SLC14A2: variants seen among roughly 807,000 people sequenced by gnomAD.
SLC14A2 encodes urea transporter 2.
In SLC14A2, 91 loss-of-function variants were observed where a neutral mutation model predicts 104.6. The ratio of observed to expected loss-of-function variants is 0.87; its 90% CI spans 0.73 to 1.04. SLC14A2 has a LOEUF of 1.04. Among genes scored for constraint, SLC14A2 ranks in the 50% least tolerant of loss-of-function variants. SLC14A2 has a pLI of 0.00. For missense variants in SLC14A2, 1,189 were observed against 1,156.0 expected, an observed-to-expected ratio of 1.03 and a Z score of -0.41; for synonymous variants, 476 against 466.4, an observed-to-expected ratio of 1.02 and a Z score of -0.27.
At chr18:45,259,585 TAA>T (rs1278480757) in intron 1 of SLC14A2, among the ~76,000 whole-genome samples, 2 of 152,114 alleles carry the variant, frequency 1.3e-5, no homozygotes, top group African/African-American at 2.4e-5. Context: ...AGAGTAAAGA[TAA>T]GAGTGATTCA....
At chr18:45,296,097 T>C (rs2084915707) in intron 1 of SLC14A2, among the ~76,000 whole-genome samples, 1 of 152,180 alleles carries the variant, frequency 6.6e-6, no homozygotes, top group African/African-American at 2.4e-5. Flanking sequence ...CACCTTCTAT[T>C]TGCATTAAAC....
intron 2 of SLC14A2, among the ~76,000 whole-genome samples, chr18:45,530,112 A>AT (rs1448917840): frequency 6.6e-6 from 1 of 152,202 alleles, no homozygotes; most frequent in African/African-American, 2.4e-5. Context: ...AAACACAGCC[A>AT]TTCAAACAAC....
chr18:45,208,145 C>T (rs1257879788), upstream of SLC14A2, among the ~76,000 whole-genome samples: 1 of 152,178 alleles, frequency 6.6e-6, no homozygotes, highest in Non-Finnish European at 1.5e-5. Flanking sequence ...CAGATATGCA[C>T]TTCTCACAAG....
In SLC14A2 at chr18:45,437,363, T is replaced by C. The variant is rs200226670; in HGVS notation, c.-124-45870T>C. Among the ~76,000 whole-genome samples, 737 of 146,760 alleles carry C rather than the reference T, an allele frequency of 5.0e-3. 13 individuals carry two copies. Among genetic ancestry groups the C allele is most frequent in the Admixed American group, 0.038 (550 of 14,514 alleles). On this transcript the variant is annotated intron_variant, in intron 1 of 20. Transcript: ENST00000586448. ...GTGGAAACCAGCCTCATAGAGAGAG[T>C]CATGCACCCAGGACCCCACTGCCAG...
intron 1 of SLC14A2, among the ~76,000 whole-genome samples, chr18:45,251,909 A>G (rs993019005): frequency 5.3e-5 from 8 of 152,208 alleles, no homozygotes; most frequent in African/African-American, 1.9e-4. Context: ...CCTCCAGTTA[A>G]TGATGATGAC....
intron 2 of SLC14A2, among the ~76,000 whole-genome samples, chr18:45,501,460 T>TA (rs1445474145): frequency 2.0e-5 from 3 of 152,226 alleles, no homozygotes. Context: ...TGTAAGTTGC[T>TA]ATGTAGTTCC....
chr18:45,479,695 G>T (rs1422385042), intron 1 of SLC14A2, among the ~76,000 whole-genome samples: 2 of 152,026 alleles, frequency 1.3e-5, no homozygotes, highest in African/African-American at 2.4e-5. Flanking sequence ...GTTTCTCTTT[G>T]TCTTACTTCT....
At chr18:45,659,765 C>A (rs923377904) in intron 10 of SLC14A2, among the ~76,000 whole-genome samples, 1 of 152,146 alleles carries the variant, frequency 6.6e-6, no homozygotes, top group African/African-American at 2.4e-5. Context: ...TACTAAGATA[C>A]ATTATTTTAC....
chr18:45,490,228 GA>G (rs1286518610), intron 2 of SLC14A2, among the ~76,000 whole-genome samples: 3 of 152,112 alleles, frequency 2.0e-5, no homozygotes, highest in African/African-American at 4.8e-5. Context: ...CAAAGCACAG[GA>G]AAAAAATTGT....
intron 1 of SLC14A2, among the ~76,000 whole-genome samples, chr18:45,429,999 T>C (rs1415773034): frequency 1.3e-5 from 2 of 152,226 alleles, no homozygotes; most frequent in Non-Finnish European, 2.9e-5. Flanking sequence ...CGCTGTCTCT[T>C]GATCCTCATT....
upstream of SLC14A2, among the ~76,000 whole-genome samples, chr18:45,613,061 G>C (rs541146014): frequency 6.6e-6 from 1 of 152,160 alleles, no homozygotes; most frequent in African/African-American, 2.4e-5. Context: ...TTTTGAGACA[G>C]TCTCACTCTG....
rs141100898 is a variant in SLC14A2, at chr18:45,502,239, C to G, written c.-35+18917C>G. Among the ~76,000 whole-genome samples the G allele has an allele frequency of 2.6e-3, 402 of 152,286 alleles. 1 individual carries two copies. The highest frequency in any genetic ancestry group is 9.2e-3 in the African/African-American group (383 of 41,552). On this transcript the variant is annotated intron_variant, in intron 2 of 20. Transcript: ENST00000586448. ...TTAAACTCACTAGTTGTTTCCAATG[C>G]AGTTGATTCTTGGGGGGAAATCTTT...
At chr18:45,566,162 CT>C (rs1207407659) in intron 2 of SLC14A2, among the ~76,000 whole-genome samples, 16 of 152,240 alleles carry the variant, frequency 1.1e-4, no homozygotes, top group African/African-American at 3.9e-4. Context: ...TCAGATTTCC[CT>C]CCCTGGGCTA....
chr18:45,174,807 G>A, the SLC14A2 span, among the ~76,000 whole-genome samples: 1 of 152,138 alleles, frequency 6.6e-6, no homozygotes. Context: ...TGGATGGATG[G>A]ATCATGCATA....
intron 1 of SLC14A2, among the ~76,000 whole-genome samples, chr18:45,433,479 A>G (rs1786389325): frequency 6.6e-6 from 1 of 152,172 alleles, no homozygotes; most frequent in South Asian, 2.1e-4. Context: ...CCAGATGGAC[A>G]TGCTTTCTTT....
chr18:45,245,033 T>C (rs757554749), intron 1 of SLC14A2, among the ~76,000 whole-genome samples: 3 of 152,192 alleles, frequency 2.0e-5, no homozygotes, highest in Non-Finnish European at 2.9e-5. Flanking sequence ...CTTTATGCCA[T>C]GTGCCATACT....
At chr18:45,641,378 C>T in intron 8 of SLC14A2, 35 bp downstream of exon 8, 1 of 1,611,832 alleles carries the variant, frequency 6.2e-7, no homozygotes, top group South Asian at 1.1e-5. Context: ...CCAGGTTATT[C>T]TGGCTATTCC....
At chr18:45,600,108 G>A (rs376946808) in intron 2 of SLC14A2, among the ~76,000 whole-genome samples, 2 of 152,260 alleles carry the variant, frequency 1.3e-5, no homozygotes. Flanking sequence ...ATTTATGGGT[G>A]CAAAATGAAA....
At chr18:45,339,193 A>C (rs1184907791) in intron 1 of SLC14A2, among the ~76,000 whole-genome samples, 1 of 151,932 alleles carries the variant, frequency 6.6e-6, no homozygotes, top group Non-Finnish European at 1.5e-5. Context: ...CAAACTCCCA[A>C]CCTCAGGTGA....
Sources: allele counts gnomAD v4.1 joint callset (sites outside exome capture counted in the v4.1 genomes callset), GRCh38; gene constraint gnomAD v4.1.1; transcripts MANE v1.5; gene names NCBI Gene and HGNC (gene_info 2026-07-23, HGNC 2026-07-21).